The following PTPRK variants were observed in gnomAD, a reference collection of about 807,000 sequenced individuals.
PTPRK encodes receptor-type tyrosine-protein phosphatase kappa.
Under a neutral mutation model 178.0 loss-of-function variants are expected in PTPRK, and 75 were observed. That is an observed-to-expected ratio of 0.42 (90% CI 0.35 to 0.51). PTPRK has a LOEUF of 0.51. Among genes scored for constraint, PTPRK ranks in the 20% least tolerant of loss-of-function variants. The probability of loss-of-function intolerance (pLI) is 0.02; values close to 1 mark genes in which losing one functional copy is unlikely to be tolerated. For missense variants in PTPRK, 1,441 were observed against 1,797.8 expected (o/e 0.80, Z 3.59); for synonymous variants, 637 against 620.6 (o/e 1.03, Z -0.39).
At chr6:128,063,506 AT>A (rs1205930785) in intron 13 of PTPRK, 1 of 152,192 alleles carries the variant, frequency 6.6e-6, no homozygotes, top group Non-Finnish European at 1.5e-5. Context: ...CACTTTTACA[AT>A]TTTGGTTCTA....
intron 3 of PTPRK, among the ~76,000 whole-genome samples, chr6:128,270,588 C>T (rs1376988801): frequency 6.6e-6 from 1 of 152,062 alleles, no homozygotes; most frequent in Non-Finnish European, 1.5e-5. Flanking sequence ...AACTGCAATT[C>T]CACCATATTC....
intron 2 of PTPRK, among the ~76,000 whole-genome samples, chr6:128,330,584 C>T (rs1562297000): frequency 6.6e-6 from 1 of 152,096 alleles, no homozygotes; most frequent in African/African-American, 2.4e-5. Flanking sequence ...TACCAAACTC[C>T]TATTACCTCT....
At chr6:128,483,296 A>C (rs1275738274) in intron 1 of PTPRK, among the ~76,000 whole-genome samples, 1 of 152,126 alleles carries the variant, frequency 6.6e-6, no homozygotes, top group East Asian at 1.9e-4. Context: ...TAATTCAATA[A>C]TACAATTCTG....
At chr6:128,364,273 C>T (rs1308609406) in intron 2 of PTPRK, among the ~76,000 whole-genome samples, 1 of 151,972 alleles carries the variant, frequency 6.6e-6, no homozygotes, top group Non-Finnish European at 1.5e-5. Flanking sequence ...TTTTCTTATA[C>T]ATTCTCAACT....
At chr6:128,395,753 A>G (rs1195391188) in intron 2 of PTPRK, among the ~76,000 whole-genome samples, 1 of 152,210 alleles carries the variant, frequency 6.6e-6, no homozygotes, top group East Asian at 1.9e-4. Flanking sequence ...GGGGTCAAAT[A>G]TAAGAAACAA....
chr6:128,159,862 A>C (rs1282459713), intron 7 of PTPRK, among the ~76,000 whole-genome samples: 1 of 151,724 alleles, frequency 6.6e-6, no homozygotes, highest in Non-Finnish European at 1.5e-5. Context: ...AGAGGAATAC[A>C]GATTTATGGT....
At chr6:128,255,864 T>G (rs1246243167) in intron 3 of PTPRK, among the ~76,000 whole-genome samples, 1 of 152,238 alleles carries the variant, frequency 6.6e-6, no homozygotes, top group African/African-American at 2.4e-5. Context: ...AAAAGTTACA[T>G]GACAGTTTCA....
At chr6:128,042,528 T>C (rs1435559680) in intron 13 of PTPRK, among the ~76,000 whole-genome samples, 1 of 152,076 alleles carries the variant, frequency 6.6e-6, no homozygotes, top group African/African-American at 2.4e-5. Flanking sequence ...TTCCCACTTT[T>C]GCTTCTGTCA....
chr6:128,080,210 T>TA (rs1402825626), intron 10 of PTPRK, among the ~76,000 whole-genome samples: 1 of 151,960 alleles, frequency 6.6e-6, no homozygotes, highest in Non-Finnish European at 1.5e-5. Context: ...AAGGGCATGG[T>TA]ACGTTTTAAC....
At chr6:128,216,399 G>T (rs1287869227) in intron 6 of PTPRK, among the ~76,000 whole-genome samples, 1 of 152,020 alleles carries the variant, frequency 6.6e-6, no homozygotes, top group Non-Finnish European at 1.5e-5. Context: ...GCTGGGTGCG[G>T]TGGCACACAT....
intron 3 of PTPRK, among the ~76,000 whole-genome samples, chr6:128,299,776 A>G (rs1320612774): frequency 6.6e-6 from 1 of 152,176 alleles, no homozygotes; most frequent in Non-Finnish European, 1.5e-5. Context: ...ACCCCAGAAG[A>G]AAACCTAGGC....
intron 7 of PTPRK, among the ~76,000 whole-genome samples, chr6:128,154,822 T>C (rs1190900311): frequency 1.3e-5 from 2 of 151,878 alleles, no homozygotes; most frequent in African/African-American, 4.8e-5. Flanking sequence ...TCCATTTTTA[T>C]GTTTACTTTG....
chr6:128,369,643 T>C (rs928972452), intron 2 of PTPRK, among the ~76,000 whole-genome samples: 1 of 152,184 alleles, frequency 6.6e-6, no homozygotes, highest in Admixed American at 6.5e-5. Context: ...CTCACATGTA[T>C]TGAGAAGCTG....
chr6:128,122,242 T>G (rs1014372071), intron 7 of PTPRK, among the ~76,000 whole-genome samples: 1 of 152,116 alleles, frequency 6.6e-6, no homozygotes, highest in Admixed American at 6.5e-5. Flanking sequence ...AAATAGCACA[T>G]GTGTGCATGT....
intron 2 of PTPRK, among the ~76,000 whole-genome samples, chr6:128,344,043 T>C (rs1053101183): frequency 2.6e-5 from 4 of 152,198 alleles, no homozygotes; most frequent in Non-Finnish European, 5.9e-5. Flanking sequence ...ATCTGCCTTA[T>C]AGGAATGTTG....
At chr6:128,410,898 A>G (rs892203200) in intron 1 of PTPRK, among the ~76,000 whole-genome samples, 3 of 151,928 alleles carry the variant, frequency 2.0e-5, no homozygotes, top group Non-Finnish European at 4.4e-5. Flanking sequence ...TTGTTTGTTT[A>G]TTTTCTTTTT....
At chr6:128,205,141 C>T (rs896117983) in intron 6 of PTPRK, among the ~76,000 whole-genome samples, 1 of 152,138 alleles carries the variant, frequency 6.6e-6, no homozygotes, top group Non-Finnish European at 1.5e-5. Context: ...AAGCTATTAT[C>T]CTCAGCAAAC....
chr6:128,020,234 C>T (rs1773291184), intron 13 of PTPRK, among the ~76,000 whole-genome samples: 1 of 152,004 alleles, frequency 6.6e-6, no homozygotes. Flanking sequence ...TAGTAATGGC[C>T]TATTAAGAGT....
intron 2 of PTPRK, among the ~76,000 whole-genome samples, chr6:128,355,302 A>C (rs1287383218): frequency 1.3e-5 from 2 of 152,256 alleles, no homozygotes; most frequent in Non-Finnish European, 2.9e-5. Flanking sequence ...TTACCAAAAA[A>C]TAAATTTCTA....
Sources: allele counts gnomAD v4.1 joint callset (sites outside exome capture counted in the v4.1 genomes callset), GRCh38; gene constraint gnomAD v4.1.1; transcripts MANE v1.5; gene names NCBI Gene and HGNC (gene_info 2026-07-23, HGNC 2026-07-21).